The following XKR6 variants were observed in gnomAD, a reference collection of about 807,000 sequenced individuals.
XKR6 encodes XK related 6.
Under a neutral mutation model 56.7 loss-of-function variants are expected in XKR6, and 22 were observed. The ratio of observed to expected loss-of-function variants is 0.39; its 90% CI spans 0.28 to 0.55. The LOEUF (loss-of-function observed/expected upper bound fraction) is 0.55. Among genes scored for constraint, XKR6 ranks in the 20% least tolerant of loss-of-function variants. The pLI is 0.66. For missense variants in XKR6, 852 were observed against 889.0 expected, an observed-to-expected ratio of 0.96 and a Z score of 0.53; for synonymous variants, 524 against 387.8, an observed-to-expected ratio of 1.35 and a Z score of -4.13.
chr8:10,976,261 T>C (rs1802555305), intron 1 of XKR6, among the ~76,000 whole-genome samples: 1 of 152,102 alleles, frequency 6.6e-6, no homozygotes, highest in South Asian at 2.1e-4. Flanking sequence ...AGTCTATTTG[T>C]TGAATGAGTG....
chr8:10,985,521 T>C (rs1331760630), intron 1 of XKR6, among the ~76,000 whole-genome samples: 2 of 150,284 alleles, frequency 1.3e-5, no homozygotes, highest in Non-Finnish European at 3.0e-5. Context: ...CTCTACTGCC[T>C]CCCACACACT....
At chr8:11,181,537 T>C (rs1276711513) in intron 1 of XKR6, among the ~76,000 whole-genome samples, 3 of 152,236 alleles carry the variant, frequency 2.0e-5, no homozygotes, top group Non-Finnish European at 4.4e-5. Flanking sequence ...TTAACATTGT[T>C]AGACCTTTAT....
intron 1 of XKR6, among the ~76,000 whole-genome samples, chr8:11,110,946 C>G (rs984739532): frequency 6.6e-6 from 1 of 151,766 alleles, no homozygotes; most frequent in Non-Finnish European, 1.5e-5. Context: ...ACACCATTCT[C>G]CTGCCACAGC....
At chr8:10,950,937 G>C (rs748842193) in intron 1 of XKR6, among the ~76,000 whole-genome samples, 2 of 152,210 alleles carry the variant, frequency 1.3e-5, no homozygotes, top group Non-Finnish European at 2.9e-5. Flanking sequence ...CAGAGACGGC[G>C]AGTTACTTGC....
At chr8:11,106,922 C>T (rs1036603838) in intron 1 of XKR6, among the ~76,000 whole-genome samples, 15 of 150,854 alleles carry the variant, frequency 9.9e-5, no homozygotes, top group African/African-American at 3.2e-4. Context: ...AACCCAGATC[C>T]TTCAGCCCAC....
At chr8:10,916,238 T>C (rs956260536) in intron 2 of XKR6, among the ~76,000 whole-genome samples, 2 of 152,350 alleles carry the variant, frequency 1.3e-5, no homozygotes, top group South Asian at 2.1e-4. Context: ...CAAATTTTAC[T>C]TCTCATTCCT....
chr8:11,023,960 T>C lies in XKR6; in HGVS notation c.765-99130A>G, dbSNP rs116142846. Among the ~76,000 whole-genome samples the C allele has an allele frequency of 5.7e-3, 873 of 152,274 alleles. 10 individuals are homozygous for C. Among genetic ancestry groups the C allele is most frequent in the African/African-American group, 0.02 (844 of 41,544 alleles). ...CTACGAGAAGAATAGGGTGGGGGAATTGTGGCTGCAGATGAGCTTAGGAAG... is the reference window on the plus strand; with the variant it reads ...CTACGAGAAGAATAGGGTGGGGGAACTGTGGCTGCAGATGAGCTTAGGAAG... On this transcript the variant is annotated intron_variant, in intron 1 of 2. Coordinates refer to ENST00000416569, the MANE Select transcript of XKR6 (RefSeq NM_173683.4).
chr8:11,058,685 C>T (rs1396491227), intron 1 of XKR6, among the ~76,000 whole-genome samples: 2 of 152,042 alleles, frequency 1.3e-5, no homozygotes, highest in Non-Finnish European at 2.9e-5. Flanking sequence ...CGGAGCCTGT[C>T]GTGGGCTGGG....
chr8:11,058,461 G>A (rs922003867), intron 1 of XKR6, among the ~76,000 whole-genome samples: 1 of 152,152 alleles, frequency 6.6e-6, no homozygotes, highest in South Asian at 2.1e-4. Flanking sequence ...TGATAGACTG[G>A]ATAAAGAAAA....
At chr8:10,981,888 T>G (rs1364323243) in intron 1 of XKR6, among the ~76,000 whole-genome samples, 3 of 152,254 alleles carry the variant, frequency 2.0e-5, no homozygotes, top group South Asian at 4.1e-4. Context: ...ATCCATGAAT[T>G]GTGCTTTCAT....
chr8:11,074,291 G>C (rs542861563), intron 1 of XKR6, among the ~76,000 whole-genome samples: 45 of 152,090 alleles, frequency 3.0e-4, no homozygotes, highest in African/African-American at 7.2e-4. Flanking sequence ...TCCCGGCCTT[G>C]GGTCTCCTCT....
intron 1 of XKR6, among the ~76,000 whole-genome samples, chr8:10,995,128 G>T (rs954532833): frequency 6.6e-6 from 1 of 152,166 alleles, no homozygotes; most frequent in Non-Finnish European, 1.5e-5. Flanking sequence ...GATCACACAG[G>T]ATGTATAGAC....
chr8:11,085,939 C>A (rs7812573), intron 1 of XKR6, among the ~76,000 whole-genome samples: 35,504 of 151,890 alleles, frequency 0.23, 4,957 homozygotes, highest in African/African-American at 0.38. Context: ...TGCATTTCCA[C>A]CAACTTCCCA....
chr8:11,013,432 T>C (rs1798544830), intron 1 of XKR6, among the ~76,000 whole-genome samples: 1 of 152,178 alleles, frequency 6.6e-6, no homozygotes, highest in Non-Finnish European at 1.5e-5. Flanking sequence ...GCTCTCATGT[T>C]TATTTGAGAT....
chr8:10,911,239 T>C (rs1421322198), intron 2 of XKR6, among the ~76,000 whole-genome samples: 9 of 137,402 alleles, frequency 6.6e-5, no homozygotes, highest in African/African-American at 1.1e-4. Flanking sequence ...TGTGTGTGTA[T>C]AGAGAGAGAG....
chr8:10,945,038 G>A (rs1000057864), intron 1 of XKR6, among the ~76,000 whole-genome samples: 1 of 152,182 alleles, frequency 6.6e-6, no homozygotes, highest in Non-Finnish European at 1.5e-5. Context: ...TCAAGCTCGA[G>A]GGTGACTTCT....
intron 1 of XKR6, among the ~76,000 whole-genome samples, chr8:11,094,431 C>G (rs1798203465): frequency 6.6e-6 from 1 of 152,092 alleles, no homozygotes; most frequent in Admixed American, 6.5e-5. Flanking sequence ...CTCAAGTGAT[C>G]GTCCCCCTTC....
rs1293997839 is a variant in XKR6, at chr8:11,178,604, AAT to A, written c.764+21970_764+21971del. On this transcript the variant is annotated intron_variant, in intron 1 of 2. Coordinates refer to ENST00000416569, the MANE Select transcript of XKR6 (RefSeq NM_173683.4). ...TATATATGTACTACACACACACACA[AAT>A]ATATATATATATACACACACAAATA... Among the ~76,000 whole-genome samples, 78 of 120,856 alleles carry A rather than the reference AAT, an allele frequency of 6.5e-4. 1 individual carries two copies. Among genetic ancestry groups the A allele is most frequent in the Middle Eastern group, 4.9e-3 (1 of 204 alleles). 79.3% of individuals were successfully genotyped at this position (120,856 alleles called of 152,430 possible).
At position 10,896,654 on chromosome 8, in the gene XKR6, T is replaced by C. The variant is rs1344364882; in HGVS notation, c.*1298A>G. 1 of 152,388 alleles carries C rather than the reference T, an allele frequency of 6.6e-6. No homozygotes were observed. Among genetic ancestry groups the C allele is most frequent in the Non-Finnish European group, 1.5e-5 (1 of 68,008 alleles). 9.4% of individuals were successfully genotyped at this position (152,388 alleles called of 1,614,324 possible). A position where few individuals can be genotyped will look rare whatever the true frequency, so the allele number is the denominator to read the frequency against. On this transcript the variant is annotated 3_prime_UTR_variant, in exon 3 of 3. Coordinates refer to ENST00000416569, the MANE Select transcript of XKR6 (RefSeq NM_173683.4). ...CTGAATGATTTTCAGCCAACCACAA[T>C]GGTGAAAGACAGAAGCACCAAACAG...
Sources: gnomAD v4.1 joint callset for allele counts (sites outside exome capture counted in the v4.1 genomes callset) on GRCh38, gnomAD v4.1.1 for gene constraint, MANE v1.5 for transcripts, NCBI Gene and HGNC (gene_info 2026-07-23, HGNC 2026-07-21) for gene names.